Variants in ANKRD31 observed in about 807,000 individuals in gnomAD.
ANKRD31 encodes the protein ankyrin repeat domain-containing protein 31.
ANKRD31 carries 147 observed loss-of-function variants against 186.0 expected under a neutral mutation model. That is an observed-to-expected ratio of 0.79 (90% CI 0.69 to 0.91). The LOEUF (loss-of-function observed/expected upper bound fraction) is 0.91, where lower values mean the gene tolerates loss of function less well. Ranked by LOEUF, ANKRD31 falls within the 40% of genes least tolerant of loss-of-function variation. The pLI, the probability that ANKRD31 is intolerant of heterozygous loss-of-function variation, is 0.00. For missense variants in ANKRD31, 1,986 were observed against 2,148.8 expected (o/e 0.92, Z 1.50); for synonymous variants, 673 against 736.4 (o/e 0.91, Z 1.39).
At chr5:75,079,162 C>A (rs1744889920) in intron 25 of ANKRD31, among the ~76,000 whole-genome samples, 1 of 152,160 alleles carries the variant, frequency 6.6e-6, no homozygotes, top group South Asian at 2.1e-4. Flanking sequence ...CAGAATAAAG[C>A]TTTTCCATCA....
At chr5:75,101,542 C>T (rs114661494) in intron 22 of ANKRD31, among the ~76,000 whole-genome samples, 3,964 of 152,154 alleles carry the variant, frequency 0.026, 157 homozygotes, top group African/African-American at 0.09. Flanking sequence ...TTCCATTCTC[C>T]CTCCCGTCAC....
At chr5:75,172,127 A>G (rs1753375720) in intron 10 of ANKRD31, among the ~76,000 whole-genome samples, 1 of 152,020 alleles carries the variant, frequency 6.6e-6, no homozygotes. Context: ...TTATAGGCCA[A>G]TGTTACTCAT....
chr5:75,081,908 C>T (rs1176664925), intron 24 of ANKRD31, among the ~76,000 whole-genome samples: 4 of 152,128 alleles, frequency 2.6e-5, no homozygotes, highest in Non-Finnish European at 4.4e-5. Context: ...GTCAGGCTGG[C>T]TGTGTAAGAG....
At chr5:75,127,060 C>A (rs969997676) in intron 17 of ANKRD31, among the ~76,000 whole-genome samples, 2 of 151,850 alleles carry the variant, frequency 1.3e-5, no homozygotes, top group African/African-American at 4.8e-5. Flanking sequence ...TGGTGTGTGC[C>A]TGTGGTCCCA....
In ANKRD31 at chr5:75,177,698, C is replaced by A. The variant is rs183173677; in HGVS notation, c.1565-8577G>T. Among the ~76,000 whole-genome samples the A allele has an allele frequency of 2.5e-3, 381 of 152,248 alleles. 15 individuals are homozygous for A. The East Asian group carries it at 0.062, about 25-fold the overall frequency. ...AAGCAAATGCTGAGAGATTTTGTCA[C>A]CACCAGGCCTGCCCTAAAAGAGCTC... On this transcript the variant is annotated intron_variant, in intron 10 of 25. Coordinates refer to ENST00000506364, the MANE Select transcript of ANKRD31 (RefSeq NM_001372053.1).
At chr5:75,137,583 A>G (rs914112087) in intron 17 of ANKRD31, among the ~76,000 whole-genome samples, 1 of 152,188 alleles carries the variant, frequency 6.6e-6, no homozygotes, top group Non-Finnish European at 1.5e-5. Flanking sequence ...AATTAAAAAT[A>G]TAATGTATTA....
chr5:75,087,464 G>A (rs1317781332), intron 23 of ANKRD31, among the ~76,000 whole-genome samples: 1 of 151,898 alleles, frequency 6.6e-6, no homozygotes, highest in African/African-American at 2.4e-5. Flanking sequence ...CTGAGATCAG[G>A]CCACTGCACT....
At chr5:75,116,270 GA>G (rs1332496030) in intron 19 of ANKRD31, among the ~76,000 whole-genome samples, 1 of 98,044 alleles carries the variant, frequency 1.0e-5, no homozygotes, top group Admixed American at 1.4e-4. Context: ...GGGGTGGGGG[GA>G]GGGGGGAGGG....
chr5:75,115,426 A>T (rs532101463), intron 19 of ANKRD31, among the ~76,000 whole-genome samples: 1 of 152,344 alleles, frequency 6.6e-6, no homozygotes, highest in South Asian at 2.1e-4. Context: ...ATTAAACTAA[A>T]GAGCTTCTGC....
chr5:75,102,423 G>A (rs1161906394), intron 22 of ANKRD31, among the ~76,000 whole-genome samples: 1 of 152,222 alleles, frequency 6.6e-6, no homozygotes, highest in Non-Finnish European at 1.5e-5. Context: ...CAGATCTCAA[G>A]CTCCATGCTG....
chr5:75,146,735 G>T lies in ANKRD31; in HGVS notation c.2676C>A (p.Ser892=). Residue 892 remains serine (S), a synonymous_variant, in exon 14 of 26, where the codon TCC becomes TCA. Transcript: ENST00000506364. Reference sequence around the variant, plus strand: ...CATTATCAGAATTTTCCTTTACAAAGGATAGGAAAGAATTTTCCCATTTGT... The same window carrying T: ...CATTATCAGAATTTTCCTTTACAAATGATAGGAAAGAATTTTCCCATTTGT... ...RFNKWENSFL[S]FVKENSDNDD... is the part of the protein sequence containing the mutation. 1 of 1,536,166 alleles carries T rather than the reference G, an allele frequency of 6.5e-7. No individual in the cohort carries two copies. Among genetic ancestry groups the T allele is most frequent in the Non-Finnish European group, 8.7e-7 (1 of 1,146,288 alleles).
At position 75,196,212 on chromosome 5, in the gene ANKRD31, A is replaced by C; in HGVS notation, c.448-12T>G. ...CCTTCACTTAGTTCCTGTGTATTAC[A>C]AATAGAAATTACATCATTACAGCAT... On this transcript the variant is annotated splice_polypyrimidine_tract_variant and intron_variant, in intron 6 of 25. Coordinates refer to ENST00000506364, the MANE Select transcript of ANKRD31 (RefSeq NM_001372053.1). 2 of 1,438,442 alleles carry C rather than the reference A, an allele frequency of 1.4e-6. No homozygotes were observed. Among genetic ancestry groups the C allele is most frequent in the Non-Finnish European group, 1.8e-6 (2 of 1,102,442 alleles). The allele number at this position is 1,438,442 out of a possible 1,614,324, so 89.1% of individuals were successfully genotyped here. A position where few individuals can be genotyped will look rare whatever the true frequency, so the allele number is the denominator to read the frequency against.
At chr5:75,109,333 A>G (rs1747584752) in intron 20 of ANKRD31, among the ~76,000 whole-genome samples, 1 of 152,234 alleles carries the variant, frequency 6.6e-6, no homozygotes, top group African/African-American at 2.4e-5. Flanking sequence ...TCTCTTTAAG[A>G]AAAATTTTCA....
rs553352858 is a variant in ANKRD31 at position 75,107,617 on chromosome 5, T to C, written c.4244A>G (p.Glu1415Gly). The C allele has an allele frequency of 1.1e-5, 16 of 1,498,160 alleles. No homozygotes were observed. Among genetic ancestry groups the C allele is most frequent in the Non-Finnish European group, 1.3e-5 (15 of 1,124,056 alleles). The allele number at this position is 1,498,160 out of a possible 1,614,324, so 92.8% of individuals were successfully genotyped here. ...CTTTAACATCTTTTCAATGTATTGT[T>C]CTAGAAACATGACAATAAAAAGTTA... The part of the protein sequence containing the change: ...EFEIRNPEDA[E>G]QYIEKMLKIK... Residue 1415 changes from glutamate to glycine, a missense_variant and splice_region_variant, in exon 21 of 26, where the codon GAA becomes GGA. By Grantham distance (98) the Glu-to-Gly change is moderately conservative (BLOSUM62 -2). Transcript: ENST00000506364.
At chr5:75,220,573 C>G (rs1027787533) in intron 3 of ANKRD31, among the ~76,000 whole-genome samples, 1 of 151,188 alleles carries the variant, frequency 6.6e-6, no homozygotes, top group African/African-American at 2.4e-5. Flanking sequence ...ACCTGGGAGG[C>G]AGACACTACA....
Position 75,068,354 on chromosome 5 carries a change from A to G in ANKRD31, c.*165T>C. 2 of 573,762 alleles carry G rather than the reference A, an allele frequency of 3.5e-6. No homozygotes were observed. The highest frequency in any genetic ancestry group is 5.2e-6 in the Non-Finnish European group (2 of 381,086). 35.5% of individuals were successfully genotyped at this position (573,762 alleles called of 1,614,324 possible). A position where few individuals can be genotyped will look rare whatever the true frequency, so the allele number is the denominator to read the frequency against. On this transcript the variant is annotated 3_prime_UTR_variant, in exon 26 of 26. Transcript: ENST00000506364. ...TGGCAAAAAAGCATTAATCTTATAT[A>G]ATTGTTGAACAGTTACATACATCTT...
At chr5:75,193,894 G>A (rs1271928545) in intron 7 of ANKRD31, among the ~76,000 whole-genome samples, 1 of 151,608 alleles carries the variant, frequency 6.6e-6, no homozygotes, top group African/African-American at 2.4e-5. Context: ...AAGAAATTTG[G>A]AATGTAGAAT....
intron 22 of ANKRD31, among the ~76,000 whole-genome samples, chr5:75,094,913 A>G (rs1413208668): frequency 2.6e-5 from 4 of 152,322 alleles, no homozygotes; most frequent in African/African-American, 9.6e-5. Flanking sequence ...CTAGATCTTA[A>G]AAGAGAAATT....
intron 25 of ANKRD31, 50 bp downstream of exon 25, chr5:75,080,518 C>G (rs912419138): frequency 3.9e-6 from 5 of 1,297,664 alleles, no homozygotes; most frequent in Non-Finnish European, 5.3e-6. Flanking sequence ...TATGTAGAAT[C>G]TAAACACTTA....
Sources: allele counts gnomAD v4.1 joint callset (sites outside exome capture counted in the v4.1 genomes callset), GRCh38; gene constraint gnomAD v4.1.1; transcripts MANE v1.5; gene names NCBI Gene and HGNC (gene_info 2026-07-23, HGNC 2026-07-21).